The following DSCAM variants were observed in gnomAD, a reference collection of about 807,000 sequenced individuals.
DSCAM encodes the protein DS cell adhesion molecule, also known as cell adhesion molecule DSCAM.
A neutral mutation model predicts 217.7 loss-of-function variants in DSCAM; 47 were observed. The observed-to-expected ratio is 0.22, with a 90% CI of 0.17 to 0.28. The LOEUF (loss-of-function observed/expected upper bound fraction) is 0.28, where lower values mean the gene tolerates loss of function less well. Among genes scored for constraint, DSCAM ranks in the 10% least tolerant of loss-of-function variants. The pLI is 1.00. For synonymous variants in DSCAM, 1,056 were observed against 1,015.3 expected (o/e 1.04, Z -0.76); for missense variants, 2,080 against 2,618.3 (o/e 0.79, Z 4.49).
chr21:40,048,160 G>T (rs981911792), intron 30 of DSCAM, among the ~76,000 whole-genome samples: 1 of 152,172 alleles, frequency 6.6e-6, no homozygotes, highest in Non-Finnish European at 1.5e-5. Context: ...CATCACCCAC[G>T]TTAAGAGCTG....
intron 3 of DSCAM, among the ~76,000 whole-genome samples, chr21:40,639,154 T>A (rs2089846645): frequency 6.6e-6 from 1 of 152,020 alleles, no homozygotes; most frequent in African/African-American, 2.4e-5. Flanking sequence ...TTGTGTCTGA[T>A]GATAAAGCAC....
chr21:40,377,305 C>A (rs2074973135), intron 3 of DSCAM, among the ~76,000 whole-genome samples: 8 of 152,114 alleles, frequency 5.3e-5, no homozygotes, highest in Admixed American at 5.2e-4. Flanking sequence ...CCCTGGCTTG[C>A]TGGCTCATGC....
chr21:40,033,510 G>A (rs2088571569), intron 32 of DSCAM, among the ~76,000 whole-genome samples: 1 of 151,780 alleles, frequency 6.6e-6, no homozygotes, highest in Non-Finnish European at 1.5e-5. Context: ...CCCGCACCTG[G>A]CTTGGAGGGT....
chr21:40,558,041 A>G (rs1255815044), intron 3 of DSCAM, among the ~76,000 whole-genome samples: 1 of 117,286 alleles, frequency 8.5e-6, no homozygotes, highest in East Asian at 2.7e-4. Flanking sequence ...GTATATTTGC[A>G]TAGATAATAT....
intron 1 of DSCAM, among the ~76,000 whole-genome samples, chr21:40,817,505 G>T (rs1156909957): frequency 1.3e-5 from 2 of 152,200 alleles, no homozygotes; most frequent in East Asian, 1.9e-4. Flanking sequence ...GTAATGTGCA[G>T]GAGAGCGCCC....
intron 2 of DSCAM, among the ~76,000 whole-genome samples, chr21:40,705,657 C>T (rs1045547439): frequency 6.6e-6 from 1 of 152,142 alleles, no homozygotes; most frequent in African/African-American, 2.4e-5. Flanking sequence ...CACTCACTCT[C>T]ACGAGAACAG....
intron 9 of DSCAM, among the ~76,000 whole-genome samples, chr21:40,309,593 T>C (rs2074116084): frequency 6.6e-6 from 1 of 152,156 alleles, no homozygotes; most frequent in Admixed American, 6.6e-5. Flanking sequence ...ATTCCCCTTG[T>C]CAATACCGTT....
At chr21:40,202,958 G>T (rs1386264857) in intron 11 of DSCAM, among the ~76,000 whole-genome samples, 2 of 152,142 alleles carry the variant, frequency 1.3e-5, no homozygotes, top group Non-Finnish European at 2.9e-5. Flanking sequence ...GTAATAATGA[G>T]GATGATAATT....
chr21:40,489,380 G>C (rs976163962), intron 3 of DSCAM, among the ~76,000 whole-genome samples: 1 of 152,140 alleles, frequency 6.6e-6, no homozygotes, highest in Non-Finnish European at 1.5e-5. Flanking sequence ...TGCAACATTT[G>C]CTCTTCTCAA....
intron 11 of DSCAM, chr21:40,212,247 CGT>C (rs2091192909): frequency 6.5e-6 from 1 of 154,280 alleles, no homozygotes; most frequent in Non-Finnish European, 1.5e-5. Context: ...GGATTATAGG[CGT>C]GAGCCACTGT....
intron 3 of DSCAM, among the ~76,000 whole-genome samples, chr21:40,689,149 G>A (rs952657422): frequency 3.3e-5 from 5 of 152,196 alleles, no homozygotes; most frequent in African/African-American, 7.2e-5. Context: ...AAAACCTAGT[G>A]AGACATACTA....
chr21:40,354,418 A>G (rs1009737096), intron 4 of DSCAM, among the ~76,000 whole-genome samples: 2 of 152,138 alleles, frequency 1.3e-5, no homozygotes, highest in Admixed American at 6.5e-5. Flanking sequence ...CTCAGGCTGG[A>G]GTGCAGTGGT....
chr21:40,197,823 T>G (rs1307710063), intron 11 of DSCAM, among the ~76,000 whole-genome samples: 1 of 152,164 alleles, frequency 6.6e-6, no homozygotes, highest in Non-Finnish European at 1.5e-5. Context: ...TTACCTAGGA[T>G]GGGGAAACTA....
intron 3 of DSCAM, among the ~76,000 whole-genome samples, chr21:40,652,553 G>A (rs1288387538): frequency 2.0e-5 from 3 of 152,260 alleles, no homozygotes; most frequent in African/African-American, 7.2e-5. Context: ...CCTATCCACA[G>A]GAGGCACATC....
intron 3 of DSCAM, among the ~76,000 whole-genome samples, chr21:40,642,910 G>A (rs1432769855): frequency 6.6e-6 from 1 of 152,134 alleles, no homozygotes; most frequent in Admixed American, 6.5e-5. Flanking sequence ...CAGGGCAGAG[G>A]GCCTCCCAGG....
chr21:40,246,608 C>T (rs2073229740), intron 11 of DSCAM, among the ~76,000 whole-genome samples: 1 of 151,016 alleles, frequency 6.6e-6, no homozygotes, highest in Non-Finnish European at 1.5e-5. Context: ...CTACTCATGA[C>T]TAACACGGTG....
chr21:40,287,695 G>A (rs2073844964), intron 10 of DSCAM, among the ~76,000 whole-genome samples: 1 of 152,178 alleles, frequency 6.6e-6, no homozygotes, highest in African/African-American at 2.4e-5. Flanking sequence ...TAACCACAGG[G>A]GAGGATTTCT....
intron 3 of DSCAM, among the ~76,000 whole-genome samples, chr21:40,561,225 T>C (rs968365263): frequency 1.3e-5 from 2 of 152,156 alleles, no homozygotes; most frequent in South Asian, 2.1e-4. Flanking sequence ...ACAGTGATGA[T>C]GGTAACAGTC....
In DSCAM at chr21:40,012,872, G is replaced by C. The variant is rs932692532; in HGVS notation, c.*162C>G. 3.8e-5 allele frequency: 19 copies of C among 504,190 alleles called. No homozygotes were observed. The highest frequency in any genetic ancestry group is 3.2e-4 in the African/African-American group (16 of 50,066). The allele number at this position is 504,190 out of a possible 1,614,324, so 31.2% of individuals were successfully genotyped here. A position where few individuals can be genotyped will look rare whatever the true frequency, so the allele number is the denominator to read the frequency against. On this transcript the variant is annotated 3_prime_UTR_variant, in exon 33 of 33. Transcript: ENST00000400454. ...ACACTCAGACAGAAAAAAAGCAGGAGAGTCTTTGCACTGTCTGTGGTTTCA... is the reference window on the plus strand; with the variant it reads ...ACACTCAGACAGAAAAAAAGCAGGACAGTCTTTGCACTGTCTGTGGTTTCA...
Sources: allele counts gnomAD v4.1 joint callset (sites outside exome capture counted in the v4.1 genomes callset), GRCh38; gene constraint gnomAD v4.1.1; transcripts MANE v1.5; gene names NCBI Gene and HGNC (gene_info 2026-07-23, HGNC 2026-07-21).